ANTXR2: variants seen among roughly 807,000 people sequenced by gnomAD.
ANTXR2 encodes ANTXR cell adhesion molecule 2, also known as anthrax toxin receptor 2.
Under a neutral mutation model 73.7 loss-of-function variants are expected in ANTXR2, and 44 were observed. The ratio of observed to expected loss-of-function variants is 0.60; its 90% CI spans 0.47 to 0.77. The LOEUF (loss-of-function observed/expected upper bound fraction) is 0.77. Among genes scored for constraint, ANTXR2 ranks in the 30% least tolerant of loss-of-function variants. ANTXR2 has a pLI of 0.00. For missense variants in ANTXR2, 604 were observed against 592.5 expected, an observed-to-expected ratio of 1.02 and a Z score of -0.20; for synonymous variants, 217 against 205.9, an observed-to-expected ratio of 1.05 and a Z score of -0.46.
In ANTXR2 at chr4:79,912,974, T is replaced by C. The variant is rs967805919; in HGVS notation, c.1429-5507A>G. Among the ~76,000 whole-genome samples, 8 of 152,344 alleles carry C rather than the reference T, an allele frequency of 5.3e-5. No homozygotes were observed. In the South Asian group the frequency reaches 1.7e-3, roughly 32 times the overall value. The stretch of plus-strand genomic sequence containing the variant: ...AGCACATGACTTCTCGCATTCTATG[T>C]TTTACCTTTTCTGCATATTCAAATA... On this transcript the variant is annotated intron_variant, in intron 16 of 16. Transcript: ENST00000403729.
intron 16 of ANTXR2, among the ~76,000 whole-genome samples, chr4:79,934,851 A>C (rs1728196504): frequency 6.6e-6 from 1 of 152,102 alleles, no homozygotes; most frequent in Non-Finnish European, 1.5e-5. Context: ...AAAAAAAAAA[A>C]AAAAACTGTC....
intron 3 of ANTXR2, among the ~76,000 whole-genome samples, chr4:80,061,669 TAATTCACTTAG>T (rs143183444): frequency 0.13 from 19,745 of 152,052 alleles, 2,693 homozygotes; most frequent in East Asian, 0.71. Context: ...TAATGATTTA[TAATTCACTTAG>T]AATTCACTTA....
At chr4:79,909,047 G>A (rs1578073116) in intron 16 of ANTXR2, among the ~76,000 whole-genome samples, 2 of 152,110 alleles carry the variant, frequency 1.3e-5, no homozygotes, top group African/African-American at 4.8e-5. Flanking sequence ...AAACACAGTA[G>A]TATATATATT....
At chr4:79,999,120 G>A (rs1028073551) in intron 12 of ANTXR2, among the ~76,000 whole-genome samples, 2 of 151,994 alleles carry the variant, frequency 1.3e-5, no homozygotes, top group African/African-American at 2.4e-5. Context: ...TATGGCAGGA[G>A]TTTTTCCTTA....
At chr4:80,055,112 T>G in intron 6 of ANTXR2, 38 bp downstream of exon 6, 1 of 1,498,440 alleles carries the variant, frequency 6.7e-7, no homozygotes, top group Non-Finnish European at 9.1e-7. Flanking sequence ...GACAATTATG[T>G]GGTTCAGATT....
At chr4:80,054,168 T>C (rs1733879400) in intron 7 of ANTXR2, 104 bp downstream of exon 7, 2 of 833,736 alleles carry the variant, frequency 2.4e-6, no homozygotes, top group South Asian at 1.8e-5. Flanking sequence ...TTAATCTCTT[T>C]CCTCTAGATA....
At chr4:79,976,543 CT>C (rs1449817322) in intron 16 of ANTXR2, among the ~76,000 whole-genome samples, 3 of 152,168 alleles carry the variant, frequency 2.0e-5, no homozygotes, top group African/African-American at 7.2e-5. Flanking sequence ...CTAGAAATGT[CT>C]GCATGATCCA....
At chr4:80,016,414 G>C (rs181057506) in intron 11 of ANTXR2, among the ~76,000 whole-genome samples, 15 of 152,186 alleles carry the variant, frequency 9.9e-5, no homozygotes, top group Non-Finnish European at 1.6e-4. Context: ...GGCCCTGTCT[G>C]TCTCAGTTCC....
intron 16 of ANTXR2, among the ~76,000 whole-genome samples, chr4:79,927,668 ACTGT>A (rs1485822625): frequency 1.3e-5 from 2 of 152,212 alleles, no homozygotes; most frequent in African/African-American, 4.8e-5. Context: ...GATAAGAAGG[ACTGT>A]CTGTATGTGT....
At chr4:79,926,353 T>C (rs1156774868) in intron 16 of ANTXR2, among the ~76,000 whole-genome samples, 1 of 152,152 alleles carries the variant, frequency 6.6e-6, no homozygotes, top group Admixed American at 6.6e-5. Flanking sequence ...CCTATGTTGA[T>C]GTCAGAAGGC....
upstream of ANTXR2, chr4:80,073,277 G>A (rs977211153): frequency 3.9e-5 from 6 of 152,400 alleles, no homozygotes; most frequent in Non-Finnish European, 7.3e-5. Flanking sequence ...TGAAGCCTCC[G>A]AGCCACACAT....
chr4:80,032,142 C>T (rs1732726955), intron 9 of ANTXR2, among the ~76,000 whole-genome samples: 1 of 151,644 alleles, frequency 6.6e-6, no homozygotes, highest in African/African-American at 2.4e-5. Context: ...TATGAAGTCA[C>T]ATACTTAAAT....
chr4:80,003,068 C>T (rs1026319794), intron 12 of ANTXR2, among the ~76,000 whole-genome samples: 3 of 151,372 alleles, frequency 2.0e-5, no homozygotes, highest in African/African-American at 4.8e-5. Flanking sequence ...TGGGTATATA[C>T]CCAAAGGACT....
intron 12 of ANTXR2, among the ~76,000 whole-genome samples, chr4:79,988,229 T>TTATA (rs70944756): frequency 1.1e-3 from 74 of 68,110 alleles, no homozygotes; most frequent in African/African-American, 1.4e-3. Context: ...CACATAAATT[T>TTATA]TATATATATA....
At chr4:80,064,700 G>T (rs1350001770) in intron 3 of ANTXR2, among the ~76,000 whole-genome samples, 1 of 152,118 alleles carries the variant, frequency 6.6e-6, no homozygotes, top group Non-Finnish European at 1.5e-5. Context: ...AGGAGAACGA[G>T]CCAGCTAGGG....
At chr4:79,954,278 T>A (rs1728811262) in intron 16 of ANTXR2, among the ~76,000 whole-genome samples, 1 of 152,146 alleles carries the variant, frequency 6.6e-6, no homozygotes, top group Non-Finnish European at 1.5e-5. Flanking sequence ...CTTGGCCTTC[T>A]AAAATGCTGG....
At chr4:79,934,265 G>A (rs769983387) in intron 16 of ANTXR2, among the ~76,000 whole-genome samples, 6 of 152,092 alleles carry the variant, frequency 3.9e-5, no homozygotes, top group Admixed American at 6.6e-5. Context: ...AGTGGCTTAT[G>A]CCTATATAAT....
chr4:79,956,989 G>A (rs928851655), intron 16 of ANTXR2, among the ~76,000 whole-genome samples: 1 of 152,010 alleles, frequency 6.6e-6, no homozygotes, highest in Non-Finnish European at 1.5e-5. Flanking sequence ...GAATCCACTT[G>A]ACCACTTGAC....
chr4:80,009,566 G>A (rs2110057507), intron 11 of ANTXR2, among the ~76,000 whole-genome samples: 1 of 152,152 alleles, frequency 6.6e-6, no homozygotes, highest in East Asian at 1.9e-4. Context: ...ACTACTTACT[G>A]AGGCCGGGCA....
Sources: allele counts gnomAD v4.1 joint callset (sites outside exome capture counted in the v4.1 genomes callset), GRCh38; gene constraint gnomAD v4.1.1; transcripts MANE v1.5; gene names NCBI Gene and HGNC (gene_info 2026-07-23, HGNC 2026-07-21).